The following LRRC7 variants were observed in gnomAD, a reference collection of about 807,000 sequenced individuals.
The protein encoded by LRRC7 is leucine-rich repeat-containing protein 7.
LRRC7 carries 23 observed loss-of-function variants against 175.7 expected under a neutral mutation model. The ratio of observed to expected loss-of-function variants is 0.13; its 90% CI spans 0.09 to 0.19. The LOEUF is 0.19. LRRC7 is among the 10% of genes least tolerant of loss of function. The pLI is 1.00. For synonymous variants in LRRC7, 685 were observed against 680.9 expected, an observed-to-expected ratio of 1.01 and a Z score of -0.09; for missense variants, 1,354 against 1,904.7, an observed-to-expected ratio of 0.71 and a Z score of 5.38.
intron 25 of LRRC7, among the ~76,000 whole-genome samples, chr1:70,098,627 G>A (rs1020504123): frequency 2.0e-5 from 3 of 151,944 alleles, no homozygotes; most frequent in Non-Finnish European, 4.4e-5. Context: ...AATAAAAAAT[G>A]ATAAAGGGGA....
intron 2 of LRRC7, among the ~76,000 whole-genome samples, chr1:69,758,153 A>C (rs1670639220): frequency 6.6e-6 from 1 of 152,044 alleles, no homozygotes; most frequent in Non-Finnish European, 1.5e-5. Flanking sequence ...TATGTGCTAG[A>C]TGCCAGGTAA....
Position 70,039,391 on chromosome 1 carries a change from G to T in LRRC7, c.3567G>T (p.Gly1189=). 6.2e-7 allele frequency: 1 copy of T among 1,614,096 alleles called. No homozygotes were observed. Among genetic ancestry groups the T allele is most frequent in the Non-Finnish European group, 8.5e-7 (1 of 1,180,018 alleles). Residue 1189 remains glycine (G), a synonymous_variant, in exon 21 of 27, where the codon GGG becomes GGT. Transcript: ENST00000651989. ...DRYGRPPYRG[G]LDRQSSVTVT... is the part of the protein sequence containing the mutation. ...ACGGCAGACCCCCATATAGGGGAGG[G>T]CTGGATCGCCAAAGCAGCGTTACAG...
chr1:69,996,212 T>A (rs1654946763), intron 11 of LRRC7, among the ~76,000 whole-genome samples: 1 of 152,026 alleles, frequency 6.6e-6, no homozygotes, highest in Admixed American at 6.5e-5. Flanking sequence ...TTTTGAGAAG[T>A]GTCTGTTCAT....
At chr1:69,630,756 A>T (rs1024896239) in intron 1 of LRRC7, among the ~76,000 whole-genome samples, 1 of 151,708 alleles carries the variant, frequency 6.6e-6, no homozygotes, top group Non-Finnish European at 1.5e-5. Flanking sequence ...AAATATTATA[A>T]TTTTTTTCTT....
chr1:70,007,663 C>A (rs1656109508), intron 11 of LRRC7, among the ~76,000 whole-genome samples: 1 of 152,154 alleles, frequency 6.6e-6, no homozygotes, highest in Non-Finnish European at 1.5e-5. Context: ...AACATCTTTT[C>A]TTTGCATTAA....
At chr1:69,621,667 T>C (rs781426191) in intron 1 of LRRC7, among the ~76,000 whole-genome samples, 1 of 152,196 alleles carries the variant, frequency 6.6e-6, no homozygotes, top group Non-Finnish European at 1.5e-5. Context: ...TTATATTTAT[T>C]TGTGAAAGTA....
chr1:70,125,285 A>G lies in LRRC7; in HGVS notation c.*3398A>G, dbSNP rs1666394888. 6.6e-6 allele frequency among the ~76,000 whole-genome samples: 1 copy of G among 152,246 alleles called. No individual in the cohort carries two copies. The highest frequency in any genetic ancestry group is 6.5e-5 in the Admixed American group (1 of 15,284). ...ATTAAAAGTGCAGGCAAAAACCACA[A>G]TTACTTTTGTTCCAACCTAGTACAT... On this transcript the variant is annotated 3_prime_UTR_variant, in exon 27 of 27. Transcript: ENST00000651989.
chr1:69,924,827 C>T (rs1393297238), intron 7 of LRRC7, among the ~76,000 whole-genome samples: 1 of 152,100 alleles, frequency 6.6e-6, no homozygotes, highest in Non-Finnish European at 1.5e-5. Flanking sequence ...CCAGAATTTC[C>T]AACACTATGT....
At chr1:69,650,554 A>AAAAAAAAAAAAAAAAAAAAAAAAC (rs3980952) in intron 1 of LRRC7, among the ~76,000 whole-genome samples, 1 of 150,950 alleles carries the variant, frequency 6.6e-6, no homozygotes, top group South Asian at 2.1e-4. Context: ...AAAAAAAAAA[A>AAAAAAAAAAAAAAAAAAAAAAAAC]TGCCAAGCAT....
chr1:69,777,653 A>T (rs1012186049), intron 3 of LRRC7, among the ~76,000 whole-genome samples: 3 of 152,160 alleles, frequency 2.0e-5, no homozygotes, highest in Admixed American at 6.5e-5. Flanking sequence ...TTCAGTTTGG[A>T]TACCAAGACA....
intron 3 of LRRC7, among the ~76,000 whole-genome samples, chr1:69,788,482 G>C (rs1489803239): frequency 6.6e-6 from 1 of 152,110 alleles, no homozygotes; most frequent in Non-Finnish European, 1.5e-5. Context: ...GCACATAATA[G>C]ATATTCAATA....
intron 2 of LRRC7, among the ~76,000 whole-genome samples, chr1:69,691,550 T>C (rs1476519018): frequency 2.0e-5 from 3 of 152,008 alleles, no homozygotes; most frequent in Admixed American, 6.6e-5. Context: ...GTAATCCCAA[T>C]GCTTTGGGAG....
chr1:69,885,472 T>C (rs1687089068), intron 7 of LRRC7, among the ~76,000 whole-genome samples: 1 of 143,668 alleles, frequency 7.0e-6, no homozygotes, highest in Non-Finnish European at 1.5e-5. Context: ...ATCCCCTTTA[T>C]CATTTTTTAC....
At chr1:70,095,620 G>A (rs1664332058) in intron 25 of LRRC7, among the ~76,000 whole-genome samples, 1 of 151,986 alleles carries the variant, frequency 6.6e-6, no homozygotes, top group Non-Finnish European at 1.5e-5. Context: ...AAAAATGTCG[G>A]TATCTAGACA....
At chr1:69,754,709 C>T (rs541941859) in intron 2 of LRRC7, among the ~76,000 whole-genome samples, 24 of 152,096 alleles carry the variant, frequency 1.6e-4, no homozygotes, top group Non-Finnish European at 2.4e-4. Flanking sequence ...TAATGTGCTA[C>T]GGACCTCTCA....
rs769239262 is a variant in LRRC7 at position 70,078,824 on chromosome 1, GCACA to G, written c.4452+2552_4452+2555del. ...CGCGCGCGCGCGCACACACACACAC[GCACA>G]CACACACACACACACACACACACAC... On this transcript the variant is annotated intron_variant, in intron 24 of 26. Coordinates refer to ENST00000651989, the MANE Select transcript of LRRC7 (RefSeq NM_001370785.2). Among the ~76,000 whole-genome samples, 1,019 of 130,840 alleles carry G rather than the reference GCACA, an allele frequency of 7.8e-3. 10 individuals are homozygous for G. The highest frequency in any genetic ancestry group is 0.027 in the African/African-American group (862 of 32,460). 85.8% of individuals were successfully genotyped at this position (130,840 alleles called of 152,430 possible).
intron 7 of LRRC7, among the ~76,000 whole-genome samples, chr1:69,850,619 A>G (rs6703428): frequency 0.57 from 86,785 of 151,820 alleles, 24,917 homozygotes; most frequent in East Asian, 0.7. Flanking sequence ...CCATTTTGGA[A>G]GTAGGTCCTT....
chr1:70,121,223 C>T (rs942589464), intron 26 of LRRC7, among the ~76,000 whole-genome samples: 2 of 151,938 alleles, frequency 1.3e-5, no homozygotes, highest in African/African-American at 4.8e-5. Flanking sequence ...AGAACCACTC[C>T]TATAGATAAT....
In LRRC7 at chr1:69,717,786, G is replaced by GAAAGAA. The variant is rs1665577185; in HGVS notation, c.100+39310_100+39315dup. On this transcript the variant is annotated intron_variant, in intron 2 of 26. Transcript: ENST00000651989. Reference sequence around the variant, plus strand: ...AAAAAGAAAAAAAGAAAGAAAGAAAGAAAGAAAGAAAGAAAGAAAGAAAGA... The same window carrying GAAAGAA: ...AAAAAGAAAAAAAGAAAGAAAGAAAGAAAGAAAAAGAAAGAAAGAAAGAAAGAAAGA... Among the ~76,000 whole-genome samples, 3 of 19,308 alleles carry GAAAGAA rather than the reference G, an allele frequency of 1.6e-4. 1 individual carries two copies. The highest frequency in any genetic ancestry group is 8.7e-4 in the African/African-American group (3 of 3,446). The allele number at this position is 19,308 out of a possible 152,430, so 12.7% of individuals were successfully genotyped here.
Sources: allele counts gnomAD v4.1 joint callset (sites outside exome capture counted in the v4.1 genomes callset), GRCh38; gene constraint gnomAD v4.1.1; transcripts MANE v1.5; gene names NCBI Gene and HGNC (gene_info 2026-07-23, HGNC 2026-07-21).